Variants in HERPUD1 observed in about 807,000 individuals in gnomAD.
The protein encoded by HERPUD1 is homocysteine-responsive endoplasmic reticulum-resident ubiquitin-like domain member 1 protein.
Under a neutral mutation model 45.0 loss-of-function variants are expected in HERPUD1, and 17 were observed. That is an observed-to-expected ratio of 0.38 (90% confidence interval 0.26 to 0.57). The LOEUF (loss-of-function observed/expected upper bound fraction) is 0.57, where lower values mean the gene tolerates loss of function less well. Ranked by LOEUF, HERPUD1 falls within the 20% of genes least tolerant of loss-of-function variation. The pLI, the probability that HERPUD1 is intolerant of heterozygous loss-of-function variation, is 0.72. For synonymous variants in HERPUD1, 164 were observed against 177.5 expected (o/e 0.92, Z 0.61); for missense variants, 420 against 490.5 (o/e 0.86, Z 1.36).
intron 3 of HERPUD1, 94 bp from the exon 4 acceptor site, chr16:56,936,593 G>T (rs1236799218): frequency 8.3e-7 from 1 of 1,207,364 alleles, no homozygotes; most frequent in Non-Finnish European, 1.1e-6. Flanking sequence ...GGGGGTAGGA[G>T]ATGTAAGCCC....
At chr16:56,938,345 C>T (rs1388373557) in intron 4 of HERPUD1, among the ~76,000 whole-genome samples, 3 of 152,058 alleles carry the variant, frequency 2.0e-5, no homozygotes, top group Non-Finnish European at 2.9e-5. Flanking sequence ...GGGCGGATCA[C>T]GAGGTCAGGA....
intron 4 of HERPUD1, 165 bp from the exon 5 acceptor site, chr16:56,939,072 T>C: frequency 1.5e-6 from 1 of 681,376 alleles, no homozygotes; most frequent in Non-Finnish European, 2.5e-6. Flanking sequence ...GTACCTTCTG[T>C]GCTTGTGGTA....
rs1399088569 is a variant in HERPUD1, at chr16:56,943,330, T to C, written c.*40T>C. ...TAGCTGTTGGAGGCTTTGACAGGAA[T>C]GGACTGGATCACCTGACTCCAGCTA... On this transcript the variant is annotated 3_prime_UTR_variant, in exon 8 of 8. Transcript: ENST00000439977. 6.2e-7 allele frequency: 1 copy of C among 1,611,466 alleles called. No homozygotes were observed. Among genetic ancestry groups the C allele is most frequent in the East Asian group, 2.2e-5 (1 of 44,884 alleles).
At chr16:56,934,932 G>A (rs1185973961) in intron 1 of HERPUD1, 5 of 291,434 alleles carry the variant, frequency 1.7e-5, no homozygotes, top group African/African-American at 8.8e-5. Context: ...GGCTGGTCTC[G>A]AACCCCTGAC....
At chr16:56,939,649 C>T (rs1356614608) in intron 5 of HERPUD1, among the ~76,000 whole-genome samples, 1 of 152,188 alleles carries the variant, frequency 6.6e-6, no homozygotes, top group East Asian at 1.9e-4. Flanking sequence ...TTTTAATTTG[C>T]TACTGTGCCA....
rs750779244 is a variant in HERPUD1 at position 56,935,461 on chromosome 16, GAAA to G, written c.287_289del (p.Glu96_Ile97delinsVal). 8.7e-6 allele frequency: 14 copies of G among 1,613,834 alleles called. No individual in the cohort carries two copies. The highest frequency in any genetic ancestry group is 2.7e-5 in the African/African-American group (2 of 74,928). On this transcript the variant is annotated inframe_deletion, in exon 3 of 8. Transcript: ENST00000439977. ...TGTGAAGAGTCCTTCAAAAATGCCA[GAAA>G]TCAACGCCAAGGTGTGTCTGCCTCT...
At chr16:56,936,374 G>C (rs1444035568) in intron 3 of HERPUD1, 1 of 174,322 alleles carries the variant, frequency 5.7e-6, no homozygotes, top group African/African-American at 2.4e-5. Flanking sequence ...TTGTTGGTCA[G>C]ATGTCTGCAA....
intron 1 of HERPUD1, 63 bp from the exon 2 acceptor site, chr16:56,935,172 C>T (rs1218621011): frequency 9.0e-7 from 1 of 1,109,774 alleles, no homozygotes; most frequent in Non-Finnish European, 1.4e-6. Flanking sequence ...ACAGTTTATT[C>T]TGTGTTTAGG....
chr16:56,936,711 G>A lies in HERPUD1; in HGVS notation c.325G>A (p.Ala109Thr), dbSNP rs746161941. Residue 109 changes from alanine to threonine, a missense_variant, in exon 4 of 8, where the codon GCT becomes ACT. By Grantham distance (58) the Ala-to-Thr change is moderately conservative. Transcript: ENST00000439977. ...AKVAESTEEP[A>T]GSNRGQYPED... ...GGTGGCTGAATCCACAGAGGAGCCT[G>A]CTGGTTCTAATCGGGGACAGTATCC... is the stretch of plus-strand genomic sequence containing the variant. The A allele has an allele frequency of 6.2e-7, 1 of 1,613,536 alleles. No individual in the cohort carries two copies. Among genetic ancestry groups the A allele is most frequent in the South Asian group, 1.1e-5 (1 of 91,032 alleles).
chr16:56,942,280 T>C (rs1273742567), intron 7 of HERPUD1, 43 bp downstream of exon 7: 4 of 1,296,764 alleles, frequency 3.1e-6, no homozygotes, highest in Middle Eastern at 1.9e-4. Context: ...TGACGTGATA[T>C]GCCAGGCTCT....
chr16:56,932,874 A>G (rs12445769), intron 1 of HERPUD1, among the ~76,000 whole-genome samples: 50,455 of 151,950 alleles, frequency 0.33, 9,118 homozygotes, highest in African/African-American at 0.48. Context: ...CTCCCTGGCC[A>G]CCTTCCGCCG....
Position 56,943,350 on chromosome 16 carries a change from C to T in HERPUD1, c.*60C>T, listed in dbSNP as rs1567462555. 2 of 1,577,362 alleles carry T rather than the reference C, an allele frequency of 1.3e-6. No individual in the cohort carries two copies. Among genetic ancestry groups the T allele is most frequent in the Admixed American group, 1.7e-5 (1 of 59,954 alleles). ...AGGAATGGACTGGATCACCTGACTCCAGCTAGATTGCCTCTCCTGGACATG... is the reference window on the plus strand; with the variant it reads ...AGGAATGGACTGGATCACCTGACTCTAGCTAGATTGCCTCTCCTGGACATG... On this transcript the variant is annotated 3_prime_UTR_variant, in exon 8 of 8. Transcript: ENST00000439977.
chr16:56,933,142 C>T (rs2055840196), intron 1 of HERPUD1: 1 of 400,696 alleles, frequency 2.5e-6, no homozygotes, highest in Admixed American at 3.0e-5. Flanking sequence ...CCTGTATTTA[C>T]TTTCTGCTCT....
Position 56,940,073 on chromosome 16 carries a change from C to T in HERPUD1, c.733C>T (p.Arg245Trp), listed in dbSNP as rs201101074. ...TAATCCTGGAGCCAATCAAAATTTG[C>T]GGATGAATGCACAAGGTGGCCCTAT... The part of the protein sequence containing the change: ...VVNPGANQNL[R>W]MNAQGGPIVE... Residue 245 changes from arginine to tryptophan, a missense_variant, in exon 6 of 8, where the codon CGG (arginine) becomes TGG (tryptophan). Transcript: ENST00000439977. The T allele has an allele frequency of 6.8e-6, 11 of 1,614,150 alleles. No individual in the cohort carries two copies. Among genetic ancestry groups the T allele is most frequent in the Admixed American group, 1.7e-5 (1 of 60,012 alleles).
chr16:56,943,131 C>T lies in HERPUD1; in HGVS notation c.1017C>T (p.Gly339=). 6.2e-7 allele frequency: 1 copy of T among 1,613,970 alleles called. No homozygotes were observed. Among genetic ancestry groups the T allele is most frequent in the Middle Eastern group, 1.7e-4 (1 of 6,060 alleles). Residue 339 remains glycine (G), a synonymous_variant, in exon 8 of 8, where the codon GGC becomes GGT. Transcript: ENST00000439977. ...NQDPNNNLQE[G]TDPETEDPNH... ...CATTGTTTCATTACCTGTAGGAAGG[C>T]ACTGATCCTGAAACTGAAGACCCCA...
chr16:56,939,084 A>C, intron 4 of HERPUD1, 153 bp from the exon 5 acceptor site: 1 of 733,966 alleles, frequency 1.4e-6, no homozygotes, highest in South Asian at 1.8e-5. Context: ...CTTGTGGTAC[A>C]TGGGTGCGTC....
At chr16:56,934,702 C>CT (rs869088050) in intron 1 of HERPUD1, among the ~76,000 whole-genome samples, 2,010 of 59,860 alleles carry the variant, frequency 0.034, 396 homozygotes, top group Non-Finnish European at 0.038. Flanking sequence ...ATTTGCCATT[C>CT]TTTTTTTTTT....
chr16:56,935,194 G>A (rs769581860), intron 1 of HERPUD1, 41 bp from the exon 2 acceptor site: 2 of 1,396,300 alleles, frequency 1.4e-6, no homozygotes, highest in East Asian at 2.3e-5. Flanking sequence ...ACTTGTAGGG[G>A]TGAAATGCTG....
intron 1 of HERPUD1, among the ~76,000 whole-genome samples, chr16:56,934,702 CTTTTTTTTT>C (rs869088050): frequency 9.0e-4 from 54 of 59,908 alleles, no homozygotes; most frequent in South Asian, 2.1e-3. Flanking sequence ...ATTTGCCATT[CTTTTTTTTT>C]TTTTTTTTTT....
Sources: gnomAD v4.1 joint callset for allele counts (sites outside exome capture counted in the v4.1 genomes callset) on GRCh38, gnomAD v4.1.1 for gene constraint, MANE v1.5 for transcripts, NCBI Gene and HGNC (gene_info 2026-07-23, HGNC 2026-07-21) for gene names.